The following NBEA variants were observed in gnomAD, a reference collection of about 807,000 sequenced individuals.
The protein encoded by NBEA is lysosomal-trafficking regulator 2.
A neutral mutation model predicts 343.4 loss-of-function variants in NBEA; 44 were observed. The ratio of observed to expected loss-of-function variants is 0.13; its 90% CI spans 0.10 to 0.16. The LOEUF is 0.16. NBEA is among the 10% of genes least tolerant of loss of function. The pLI is 1.00. For synonymous variants in NBEA, 1,175 were observed against 1,238.7 expected (o/e 0.95, Z 1.08); for missense variants, 2,555 against 3,631.3 (o/e 0.70, Z 7.62).
intron 49 of NBEA, among the ~76,000 whole-genome samples, chr13:35,630,210 T>C (rs367768758): frequency 1.3e-5 from 2 of 152,242 alleles, no homozygotes; most frequent in East Asian, 1.9e-4. Flanking sequence ...AATTTGAAAA[T>C]GAAATTAAAA....
intron 41 of NBEA, among the ~76,000 whole-genome samples, chr13:35,506,210 G>A (rs775941786): frequency 6.6e-6 from 1 of 152,218 alleles, no homozygotes; most frequent in East Asian, 1.9e-4. Flanking sequence ...CTACAGGCAC[G>A]TGCCAGCACA....
At chr13:35,615,418 A>G (rs866919212) in intron 48 of NBEA, among the ~76,000 whole-genome samples, 66 of 151,926 alleles carry the variant, frequency 4.3e-4, no homozygotes, top group Admixed American at 3.9e-3. Flanking sequence ...ATCTCAGCTC[A>G]CTGCAACCTC....
intron 38 of NBEA, among the ~76,000 whole-genome samples, chr13:35,423,503 T>A (rs866485337): frequency 6.6e-6 from 1 of 152,096 alleles, no homozygotes; most frequent in Non-Finnish European, 1.5e-5. Flanking sequence ...TGTTCCATTG[T>A]TCTATATCTC....
Position 34,942,767 on chromosome 13 carries a change from G to A in NBEA, c.-54G>A. On this transcript the variant is annotated 5_prime_UTR_variant, in exon 1 of 59. Coordinates refer to ENST00000379939, the MANE Select transcript of NBEA (RefSeq NM_001385012.1). ...GGGCGGGGGCCGAGGCAGGTATAAC[G>A]GTACCGGCGGCGGCAGCGCCGCTGC... is the stretch of plus-strand genomic sequence containing the variant. 2 of 1,289,686 alleles carry A rather than the reference G, an allele frequency of 1.6e-6. No homozygotes were observed. The allele number at this position is 1,289,686 out of a possible 1,614,324, so 79.9% of individuals were successfully genotyped here.
chr13:35,052,734 G>C (rs1204932667), intron 6 of NBEA, among the ~76,000 whole-genome samples: 1 of 151,830 alleles, frequency 6.6e-6, no homozygotes, highest in African/African-American at 2.4e-5. Flanking sequence ...ACCAAGGAAA[G>C]AGAAAAGTTA....
chr13:35,194,057 A>C (rs1027285701), intron 30 of NBEA, among the ~76,000 whole-genome samples: 2 of 152,018 alleles, frequency 1.3e-5, no homozygotes, highest in Non-Finnish European at 2.9e-5. Flanking sequence ...AAAACCTGGC[A>C]ACATTTTTCT....
intron 34 of NBEA, among the ~76,000 whole-genome samples, chr13:35,276,300 CA>C (rs147368930): frequency 1.3e-5 from 2 of 148,846 alleles, no homozygotes; most frequent in African/African-American, 2.5e-5. Flanking sequence ...AGGAAAATAC[CA>C]AAAAAAAAGA....
At chr13:35,424,491 G>T (rs968995932) in intron 38 of NBEA, among the ~76,000 whole-genome samples, 1 of 152,136 alleles carries the variant, frequency 6.6e-6, no homozygotes, top group African/African-American at 2.4e-5. Flanking sequence ...CTATCCCAGG[G>T]ATGAAGCGCA....
At chr13:35,146,292 G>A (rs183645709) in intron 18 of NBEA, among the ~76,000 whole-genome samples, 228 of 152,212 alleles carry the variant, frequency 1.5e-3, no homozygotes, top group African/African-American at 5.3e-3. Flanking sequence ...TTTTGATTTT[G>A]GAGTGTCATC....
At chr13:35,475,061 A>G (rs1355089267) in intron 41 of NBEA, 3 of 1,611,198 alleles carry the variant, frequency 1.9e-6, no homozygotes, top group Admixed American at 1.7e-5. Flanking sequence ...ATCATCCTCT[A>G]AAGTTTTTCC....
At chr13:35,098,218 A>C (rs2065438441) in intron 10 of NBEA, 79 bp from the exon 11 acceptor site, 1 of 949,312 alleles carries the variant, frequency 1.1e-6, no homozygotes, top group Non-Finnish European at 1.6e-6. Flanking sequence ...ATCTTTTGGC[A>C]TAATAAAATA....
rs570201627 is a variant in NBEA, at chr13:35,061,482, G to A, written c.1239+2619G>A. ...TGTATCAGGTGGCCCTTTGACATAAGCTTGCAAATCAGATTTTAACAAAGT... is the reference window on the plus strand; with the variant it reads ...TGTATCAGGTGGCCCTTTGACATAAACTTGCAAATCAGATTTTAACAAAGT... On this transcript the variant is annotated intron_variant, in intron 8 of 58. Transcript: ENST00000379939. Among the ~76,000 whole-genome samples the A allele has an allele frequency of 7.3e-5, 11 of 151,648 alleles. No homozygotes were observed. In the East Asian group the frequency reaches 1.9e-3, roughly 27 times the overall value.
At chr13:35,515,794 A>G (rs2077464531) in intron 41 of NBEA, among the ~76,000 whole-genome samples, 1 of 151,908 alleles carries the variant, frequency 6.6e-6, no homozygotes, top group Non-Finnish European at 1.5e-5. Context: ...TGTTAAATGA[A>G]GGGTGTGAGT....
At chr13:35,529,576 A>G (rs954464229) in intron 41 of NBEA, among the ~76,000 whole-genome samples, 2 of 152,240 alleles carry the variant, frequency 1.3e-5, no homozygotes, top group Non-Finnish European at 2.9e-5. Context: ...CATATTACAT[A>G]TAACTTTACT....
At chr13:35,363,764 C>G (rs933814653) in intron 38 of NBEA, among the ~76,000 whole-genome samples, 2 of 151,884 alleles carry the variant, frequency 1.3e-5, no homozygotes, top group Non-Finnish European at 2.9e-5. Flanking sequence ...TTTTTCTTCT[C>G]CCTTGGATGT....
chr13:35,607,453 C>G (rs1452880925), intron 48 of NBEA, among the ~76,000 whole-genome samples: 1 of 151,944 alleles, frequency 6.6e-6, no homozygotes, highest in East Asian at 1.9e-4. Flanking sequence ...GATTTTAATC[C>G]CAACATGGTT....
chr13:35,008,332 C>T (rs538669929), intron 1 of NBEA, among the ~76,000 whole-genome samples: 2 of 152,258 alleles, frequency 1.3e-5, no homozygotes, highest in African/African-American at 4.8e-5. Context: ...TGCTCTAATC[C>T]CTTAAGGAAA....
intron 28 of NBEA, among the ~76,000 whole-genome samples, chr13:35,178,698 C>A (rs1593628635): frequency 6.6e-6 from 1 of 150,944 alleles, no homozygotes. Context: ...TATAATAAAC[C>A]TATATTGTTT....
chr13:35,433,242 T>C (rs1299375346), intron 39 of NBEA, among the ~76,000 whole-genome samples: 4 of 152,134 alleles, frequency 2.6e-5, no homozygotes, highest in African/African-American at 9.6e-5. Context: ...TTTTAAATGC[T>C]GTAACAAGTT....
Sources: allele counts gnomAD v4.1 joint callset (sites outside exome capture counted in the v4.1 genomes callset), GRCh38; gene constraint gnomAD v4.1.1; transcripts MANE v1.5; gene names NCBI Gene and HGNC (gene_info 2026-07-23, HGNC 2026-07-21).